VPS39: variants seen among roughly 807,000 people sequenced by gnomAD.
VPS39 encodes the protein VPS39 subunit of HOPS complex, also known as vam6/Vps39-like protein.
In VPS39, 70 loss-of-function variants were observed where a neutral mutation model predicts 121.0. The ratio of observed to expected loss-of-function variants is 0.58; its 90% CI spans 0.48 to 0.71. The LOEUF is 0.71. Ranked by LOEUF, VPS39 falls within the 30% of genes least tolerant of loss-of-function variation. VPS39 has a pLI of 0.00. For missense variants in VPS39, 818 were observed against 1,051.5 expected (o/e 0.78, Z 3.07); for synonymous variants, 378 against 398.1 (o/e 0.95, Z 0.60).
intron 12 of VPS39, among the ~76,000 whole-genome samples, chr15:42,168,301 T>C (rs1202242536): frequency 2.0e-5 from 3 of 152,238 alleles, no homozygotes; most frequent in Admixed American, 6.5e-5. Context: ...CCTTCCACAA[T>C]GCCACTGGCT....
At chr15:42,196,267 A>T (rs1270831289) in intron 2 of VPS39, among the ~76,000 whole-genome samples, 1 of 152,096 alleles carries the variant, frequency 6.6e-6, no homozygotes, top group East Asian at 1.9e-4. Flanking sequence ...ATGGGCAAGG[A>T]CTTCATGTCT....
intron 8 of VPS39, 157 bp from the exon 9 acceptor site, chr15:42,178,727 G>GAAAA: frequency 4.9e-6 from 5 of 1,029,372 alleles, no homozygotes; most frequent in African/African-American, 1.6e-5. Flanking sequence ...CAGAAAGAAA[G>GAAAA]AAAAAAAAAA....
At chr15:42,205,721 CA>C (rs1296863451) in intron 1 of VPS39, among the ~76,000 whole-genome samples, 1 of 152,036 alleles carries the variant, frequency 6.6e-6, no homozygotes, top group African/African-American at 2.4e-5. Flanking sequence ...ACCTGGTAGA[CA>C]AAAAACTGAA....
intron 11 of VPS39, among the ~76,000 whole-genome samples, chr15:42,170,471 C>A (rs572752174): frequency 7.0e-4 from 106 of 152,172 alleles, no homozygotes; most frequent in African/African-American, 2.5e-3. Context: ...CCACTGTACT[C>A]CAGCATGGGC....
chr15:42,208,226 C>G lies in VPS39; in HGVS notation c.-73G>C. On this transcript the variant is annotated 5_prime_UTR_variant, in exon 1 of 25. Transcript: ENST00000318006. ...GGCCGGGCTGGGGTCCGGAACGAGT[C>G]TGGGCTAAGGGTAGACCGGGATCCG... 1 of 1,543,396 alleles carries G rather than the reference C, an allele frequency of 6.5e-7. No individual in the cohort carries two copies. The highest frequency in any genetic ancestry group is 1.2e-5 in the South Asian group (1 of 83,822).
intron 2 of VPS39, among the ~76,000 whole-genome samples, chr15:42,194,829 A>G (rs2049902200): frequency 6.6e-6 from 1 of 151,992 alleles, no homozygotes; most frequent in Non-Finnish European, 1.5e-5. Context: ...GTTTTTTTAA[A>G]AAAATCTCTA....
chr15:42,176,616 T>C (rs1876922548), intron 10 of VPS39, among the ~76,000 whole-genome samples: 2 of 152,084 alleles, frequency 1.3e-5, no homozygotes, highest in Middle Eastern at 6.8e-3. Context: ...AACAGTAAGA[T>C]GCTGAAATTC....
chr15:42,188,267 G>T (rs1476327685), intron 5 of VPS39, among the ~76,000 whole-genome samples: 1 of 152,118 alleles, frequency 6.6e-6, no homozygotes, highest in Non-Finnish European at 1.5e-5. Context: ...TAAAGAGCAA[G>T]GAAAAGAGTA....
chr15:42,193,130 T>C (rs7178552), intron 2 of VPS39, among the ~76,000 whole-genome samples: 18,648 of 152,208 alleles, frequency 0.12, 1,482 homozygotes, highest in Middle Eastern at 0.17. Context: ...TCTTAAACTT[T>C]TTTGTCTCAA....
chr15:42,161,716 C>T lies in VPS39; in HGVS notation c.2518G>A (p.Val840Met), dbSNP rs1377497186. The T allele has an allele frequency of 6.2e-7, 1 of 1,614,218 alleles. No individual in the cohort carries two copies. The highest frequency in any genetic ancestry group is 1.1e-5 in the South Asian group (1 of 91,082). ...QVKCIITEEK[V>M]CMVCKKKIGN... is the part of the protein sequence containing the mutation. ...ATCTTCTTCTTACACACCATGCACA[C>T]CTTCTCCTCTGTGATGATGCACTTC... is the stretch of plus-strand genomic sequence containing the variant. Residue 840 changes from valine (V) to methionine (M), a missense_variant, in exon 24 of 25, where the codon GTG (valine) becomes ATG (methionine). Coordinates refer to ENST00000318006, the MANE Select transcript of VPS39 (RefSeq NM_015289.5).
At chr15:42,162,693 C>T (rs2049156277) in intron 21 of VPS39, 1 of 479,618 alleles carries the variant, frequency 2.1e-6, no homozygotes, top group Non-Finnish European at 3.5e-6. Context: ...GAGAAAAAAC[C>T]AAATGCCTTG....
intron 3 of VPS39, 36 bp from the exon 4 acceptor site, chr15:42,191,203 T>C (rs773976682): frequency 3.5e-5 from 56 of 1,611,790 alleles, no homozygotes; most frequent in Non-Finnish European, 4.6e-5. Context: ...CAATTAAACA[T>C]TTCTGACAAG....
intron 4 of VPS39, 31 bp downstream of exon 4, chr15:42,191,094 C>A (rs762655963): frequency 1.2e-6 from 2 of 1,610,994 alleles, no homozygotes; most frequent in Non-Finnish European, 1.7e-6. Flanking sequence ...TCTTGTTAGA[C>A]ACAGGATACA....
At chr15:42,204,030 C>G (rs1162364536) in intron 1 of VPS39, among the ~76,000 whole-genome samples, 1 of 152,244 alleles carries the variant, frequency 6.6e-6, no homozygotes, top group Non-Finnish European at 1.5e-5. Context: ...CTTAATTCCT[C>G]CTGAGAAGGA....
chr15:42,166,362 T>G, intron 15 of VPS39, 130 bp from the exon 16 acceptor site: 1 of 1,155,724 alleles, frequency 8.7e-7, no homozygotes, highest in Non-Finnish European at 1.3e-6. Flanking sequence ...CACTTGGGGT[T>G]GTTAGCCCTA....
intron 19 of VPS39, 22 bp from the exon 20 acceptor site, chr15:42,163,750 G>A: frequency 6.3e-7 from 1 of 1,577,602 alleles, no homozygotes; most frequent in South Asian, 1.1e-5. Flanking sequence ...AGGAATATGA[G>A]GAACCACTGC....
chr15:42,163,470 G>C, intron 20 of VPS39, 75 bp from the exon 21 acceptor site: 11 of 1,588,878 alleles, frequency 6.9e-6, no homozygotes, highest in Non-Finnish European at 9.5e-6. Context: ...CGTGCAGCCT[G>C]CTCGAGCAGC....
chr15:42,188,056 G>A (rs979946376), intron 5 of VPS39, among the ~76,000 whole-genome samples, 200 bp from the exon 6 acceptor site: 4 of 151,826 alleles, frequency 2.6e-5, no homozygotes, highest in Non-Finnish European at 5.9e-5. Flanking sequence ...ACTTCCTCCC[G>A]AAGGGTTGCC....
At position 42,164,534 on chromosome 15, in the gene VPS39, A is replaced by G. The variant is rs1198001619; in HGVS notation, c.1898-48T>C. ...AATGAAAGGACACTGCCAGGTGGCA[A>G]TGTAGGGTCATCAAGAAAAATGAAG... On this transcript the variant is annotated intron_variant, in intron 18 of 24. Transcript: ENST00000318006. The G allele has an allele frequency of 3.7e-6, 6 of 1,604,156 alleles. No individual in the cohort carries two copies. In the South Asian group the frequency reaches 5.5e-5, roughly 15 times the overall value.
Sources: allele counts gnomAD v4.1 joint callset (sites outside exome capture counted in the v4.1 genomes callset), GRCh38; gene constraint gnomAD v4.1.1; transcripts MANE v1.5; gene names NCBI Gene and HGNC (gene_info 2026-07-23, HGNC 2026-07-21).